The following NFATC2 variants were observed in gnomAD, a reference collection of about 807,000 sequenced individuals.
NFATC2 encodes nuclear factor of activated T cells 2.
In NFATC2, 22 loss-of-function variants were observed where a neutral mutation model predicts 87.3. That is an observed-to-expected ratio of 0.25 (90% CI 0.18 to 0.36). NFATC2 has a LOEUF of 0.36. Ranked by LOEUF, NFATC2 falls within the 10% of genes least tolerant of loss-of-function variation. The probability of loss-of-function intolerance (pLI) is 1.00; values close to 1 mark genes in which losing one functional copy is unlikely to be tolerated. For missense variants in NFATC2, 1,149 were observed against 1,259.1 expected (o/e 0.91, Z 1.32); for synonymous variants, 565 against 542.2 (o/e 1.04, Z -0.58).
chr20:51,468,953 G>C (rs188460379), intron 5 of NFATC2, among the ~76,000 whole-genome samples: 2 of 152,228 alleles, frequency 1.3e-5, no homozygotes, highest in East Asian at 3.9e-4. Flanking sequence ...GGGAGACCTC[G>C]GAAAGCCTCC....
intron 3 of NFATC2, among the ~76,000 whole-genome samples, chr20:51,488,706 C>T (rs981813619): frequency 6.6e-6 from 1 of 152,190 alleles, no homozygotes; most frequent in African/African-American, 2.4e-5. Flanking sequence ...TTCTCATCAA[C>T]CTCCCTGGGT....
chr20:51,465,670 G>A (rs759917079), intron 5 of NFATC2, among the ~76,000 whole-genome samples: 2 of 151,996 alleles, frequency 1.3e-5, no homozygotes, highest in Admixed American at 6.6e-5. Context: ...TTCCCTGATC[G>A]GCATGACAGA....
At chr20:51,470,077 T>C (rs1281176380) in intron 5 of NFATC2, among the ~76,000 whole-genome samples, 2 of 152,144 alleles carry the variant, frequency 1.3e-5, no homozygotes, top group Non-Finnish European at 2.9e-5. Context: ...AACTGCTCCG[T>C]GCCAAGTGGA....
At chr20:51,408,954 C>T (rs6123027) in intron 9 of NFATC2, among the ~76,000 whole-genome samples, 1 of 152,182 alleles carries the variant, frequency 6.6e-6, no homozygotes, top group African/African-American at 2.4e-5. Flanking sequence ...ACACATCATC[C>T]TAAACTACAC....
chr20:51,470,442 T>C (rs540392577), intron 5 of NFATC2, among the ~76,000 whole-genome samples: 3 of 152,260 alleles, frequency 2.0e-5, no homozygotes, highest in Admixed American at 6.5e-5. Flanking sequence ...GCACCTGCAC[T>C]CCTAGGAAAT....
At chr20:51,501,895 C>T (rs1333405325) in intron 3 of NFATC2, among the ~76,000 whole-genome samples, 1 of 152,198 alleles carries the variant, frequency 6.6e-6, no homozygotes, top group Non-Finnish European at 1.5e-5. Flanking sequence ...GTTGCAAGTA[C>T]TCACCTCTGC....
chr20:51,561,342 A>T lies in NFATC2; in HGVS notation c.70+1218T>A, dbSNP rs573483969. ...ATCTAGTTAAAAAAAAAAAAAAGAA[A>T]GAAAGAGAGAGAAAGAAAAGAAAGA... On this transcript the variant is annotated intron_variant, in intron 1 of 10. Coordinates refer to the NFATC2 transcript ENST00000414705. Among the ~76,000 whole-genome samples the T allele has an allele frequency of 4.6e-5, 7 of 150,622 alleles. No individual in the cohort carries two copies. The East Asian group carries it at 1.2e-3, about 25-fold the overall frequency.
chr20:51,479,983 A>G (rs1989092901), intron 3 of NFATC2, among the ~76,000 whole-genome samples: 1 of 152,136 alleles, frequency 6.6e-6, no homozygotes, highest in African/African-American at 2.4e-5. Context: ...GCTAAGGTGC[A>G]ACATCAAGAA....
intron 10 of NFATC2, among the ~76,000 whole-genome samples, chr20:51,395,625 T>TA (rs1986959266): frequency 6.6e-6 from 1 of 151,214 alleles, no homozygotes; most frequent in Non-Finnish European, 1.5e-5. Flanking sequence ...AAAAGACTGA[T>TA]GGAGAATGAT....
At chr20:51,537,000 A>T (rs1392322128) in intron 1 of NFATC2, among the ~76,000 whole-genome samples, 1 of 152,042 alleles carries the variant, frequency 6.6e-6, no homozygotes, top group Non-Finnish European at 1.5e-5. Flanking sequence ...GGGCCAGGGG[A>T]GGCCAGACAC....
intron 9 of NFATC2, among the ~76,000 whole-genome samples, chr20:51,429,454 G>A (rs1053097627): frequency 2.6e-5 from 4 of 152,242 alleles, no homozygotes; most frequent in African/African-American, 4.8e-5. Flanking sequence ...TTGAGAAGCC[G>A]GACTATGGCA....
intron 5 of NFATC2, among the ~76,000 whole-genome samples, chr20:51,458,254 C>A (rs1389558907): frequency 2.0e-5 from 3 of 152,148 alleles, no homozygotes; most frequent in Non-Finnish European, 4.4e-5. Context: ...TTGTTGTCAG[C>A]AGGCAGGGGG....
intron 3 of NFATC2, among the ~76,000 whole-genome samples, chr20:51,515,925 A>G (rs1247424570): frequency 6.6e-6 from 1 of 152,204 alleles, no homozygotes; most frequent in Non-Finnish European, 1.5e-5. Context: ...CTATAGATTA[A>G]GAACCAAGTT....
intron 9 of NFATC2, among the ~76,000 whole-genome samples, chr20:51,414,086 T>C (rs1445076884): frequency 1.3e-5 from 2 of 152,168 alleles, no homozygotes. Context: ...ATACCACAAA[T>C]ATTGGGTGAG....
intron 9 of NFATC2, among the ~76,000 whole-genome samples, chr20:51,406,063 C>T (rs1250353051): frequency 6.6e-6 from 1 of 152,192 alleles, no homozygotes; most frequent in African/African-American, 2.4e-5. Flanking sequence ...AGGTGTGAGC[C>T]ACCACACCCA....
intron 9 of NFATC2, among the ~76,000 whole-genome samples, chr20:51,430,210 G>A (rs1182469961): frequency 6.6e-6 from 1 of 152,080 alleles, no homozygotes; most frequent in Non-Finnish European, 1.5e-5. Flanking sequence ...AGAGTCAGCT[G>A]GGGAAAATTA....
chr20:51,495,878 C>A (rs546606628), intron 3 of NFATC2, among the ~76,000 whole-genome samples: 1 of 152,302 alleles, frequency 6.6e-6, no homozygotes, highest in East Asian at 1.9e-4. Flanking sequence ...TGGATCAGAG[C>A]GGACTCCCAT....
At chr20:51,456,181 C>T (rs1986521892) in intron 5 of NFATC2, among the ~76,000 whole-genome samples, 1 of 151,998 alleles carries the variant, frequency 6.6e-6, no homozygotes, top group Non-Finnish European at 1.5e-5. Flanking sequence ...TCTGTATCTC[C>T]CAGTATGTAT....
chr20:51,517,547 G>A (rs1163503510), intron 2 of NFATC2, among the ~76,000 whole-genome samples: 2 of 151,500 alleles, frequency 1.3e-5, no homozygotes, highest in East Asian at 3.9e-4. Flanking sequence ...AGCTGTGATT[G>A]CACCACTGCA....
Sources: gnomAD v4.1 joint callset for allele counts (sites outside exome capture counted in the v4.1 genomes callset) on GRCh38, gnomAD v4.1.1 for gene constraint, MANE v1.5 for transcripts, NCBI Gene and HGNC (gene_info 2026-07-23, HGNC 2026-07-21) for gene names.